Variants in MAN2B1 observed in about 807,000 individuals in gnomAD.
MAN2B1 encodes mannosidase alpha class 2B member 1.
MAN2B1 carries 99 observed loss-of-function variants against 127.5 expected under a neutral mutation model. The ratio of observed to expected loss-of-function variants is 0.78; its 90% CI spans 0.66 to 0.92. The LOEUF (loss-of-function observed/expected upper bound fraction) is 0.92. Among genes scored for constraint, MAN2B1 ranks in the 40% least tolerant of loss-of-function variants. MAN2B1 has a pLI of 0.00. For synonymous variants in MAN2B1, 573 were observed against 568.8 expected, an observed-to-expected ratio of 1.01 and a Z score of -0.11; for missense variants, 1,304 against 1,384.8, an observed-to-expected ratio of 0.94 and a Z score of 0.93.
At position 12,647,199 on chromosome 19, in the gene MAN2B1, T is replaced by C; in HGVS notation, c.2923+34A>G. On this transcript the variant is annotated intron_variant, in intron 23 of 23. Transcript: ENST00000456935. The surrounding 1 kb of genome is among the most constrained non-coding windows in gnomAD (Gnocchi z 4.9). ...CCCACCTGCCGGCCCCAGGTAAGAC[T>C]CCACCCCTTCCCTACCCCTGACCAG... 1 of 1,575,132 alleles carries C rather than the reference T, an allele frequency of 6.3e-7. No individual in the cohort carries two copies. The highest frequency in any genetic ancestry group is 8.7e-7 in the Non-Finnish European group (1 of 1,144,850).
At chr19:12,654,711 G>T (rs1030618724) in intron 14 of MAN2B1, among the ~76,000 whole-genome samples, 1 of 152,112 alleles carries the variant, frequency 6.6e-6, no homozygotes, top group Non-Finnish European at 1.5e-5. Context: ...GTCTCACTTT[G>T]TCACCCAGGC....
intron 3 of MAN2B1, 89 bp from the exon 4 acceptor site, chr19:12,665,074 G>A (rs2024196581): frequency 2.3e-6 from 3 of 1,282,220 alleles, no homozygotes; most frequent in African/African-American, 1.5e-5. Context: ...AAGCCTGCCT[G>A]TGTACACATT....
rs369122358 is a variant in MAN2B1, at chr19:12,647,371, C to T, written c.2821-36G>A. 2 of 1,612,246 alleles carry T rather than the reference C, an allele frequency of 1.2e-6. No homozygotes were observed. Among genetic ancestry groups the T allele is most frequent in the Non-Finnish European group, 1.7e-6 (2 of 1,178,260 alleles). On this transcript the variant is annotated intron_variant, in intron 22 of 23. Transcript: ENST00000456935. This position sits in a 1 kb window ranked among gnomAD's most constrained non-coding sequence, Gnocchi z 4.9. ...GGGGATGGGCCCAGATGAGTTGGGG[C>T]AAAGCCAGGTTTCTCTTCTCTCCCT...
At position 12,657,439 on chromosome 19, in the gene MAN2B1, C is replaced by G. The variant is rs1235244356; in HGVS notation, c.1419+7G>C. 1.3e-5 allele frequency: 20 copies of G among 1,547,936 alleles called. No homozygotes were observed. The highest frequency in any genetic ancestry group is 1.4e-5 in the African/African-American group (1 of 73,040). On this transcript the variant is annotated splice_region_variant and intron_variant, in intron 11 of 23. Coordinates refer to ENST00000456935, the MANE Select transcript of MAN2B1 (RefSeq NM_000528.4). Reference sequence around the variant, plus strand: ...CCCCCGTGTCTCCCAAGTCTCGCCCCGCGCACCTCGCAAGGCCCCCAGCCT... The same window carrying G: ...CCCCCGTGTCTCCCAAGTCTCGCCCGGCGCACCTCGCAAGGCCCCCAGCCT...
intron 14 of MAN2B1, among the ~76,000 whole-genome samples, chr19:12,653,480 C>T (rs779222642): frequency 2.6e-4 from 39 of 151,660 alleles, no homozygotes; most frequent in Non-Finnish European, 4.3e-4. Flanking sequence ...TTTTTAGGGC[C>T]GAGCGTGGTG....
intron 18 of MAN2B1, 37 bp downstream of exon 18, chr19:12,649,876 A>G (rs1481795230): frequency 7.1e-7 from 1 of 1,401,088 alleles, no homozygotes; most frequent in Non-Finnish European, 9.9e-7. Flanking sequence ...CCAACACACC[A>G]CAGACCACCC....
In MAN2B1 at chr19:12,648,163, G is replaced by T. The variant is rs1246333280; in HGVS notation, c.2664+12C>A. ...CAATCCGGTCCTCTCTGCCTACCCCGCTGCCCCTCACCTGCGTGCGCGGAG... is the reference window on the plus strand; with the variant it reads ...CAATCCGGTCCTCTCTGCCTACCCCTCTGCCCCTCACCTGCGTGCGCGGAG... On this transcript the variant is annotated intron_variant, in intron 21 of 23. Coordinates refer to ENST00000456935, the MANE Select transcript of MAN2B1 (RefSeq NM_000528.4). The T allele has an allele frequency of 6.5e-7, 1 of 1,533,384 alleles. No individual in the cohort carries two copies. The highest frequency in any genetic ancestry group is 8.7e-7 in the Non-Finnish European group (1 of 1,145,128). The allele number at this position is 1,533,384 out of a possible 1,614,324, so 95.0% of individuals were successfully genotyped here. A position where few individuals can be genotyped will look rare whatever the true frequency, so the allele number is the denominator to read the frequency against.
At chr19:12,655,672 G>T in intron 14 of MAN2B1, 22 bp downstream of exon 14, 1 of 1,603,010 alleles carries the variant, frequency 6.2e-7, no homozygotes, top group South Asian at 1.1e-5. Flanking sequence ...GAGCAGGAAA[G>T]GGGATTGAAA....
intron 6 of MAN2B1, 88 bp from the exon 7 acceptor site, chr19:12,661,464 G>T: frequency 1.1e-6 from 1 of 889,194 alleles, no homozygotes; most frequent in Admixed American, 1.7e-5. Flanking sequence ...GGTCAAGGAT[G>T]TTGGGTGCAC....
At chr19:12,649,606 C>G (rs944644174) in intron 18 of MAN2B1, among the ~76,000 whole-genome samples, 178 bp from the exon 19 acceptor site, 2 of 151,428 alleles carry the variant, frequency 1.3e-5, no homozygotes, top group Non-Finnish European at 2.9e-5. Flanking sequence ...CTCAGCCTCC[C>G]GAGTAGCTGG....
rs532010285 is a variant in MAN2B1 at position 12,652,593 on chromosome 19, G to A, written c.1831-133C>T. 3.6e-5 allele frequency: 25 copies of A among 698,264 alleles called. No homozygotes were observed. In the East Asian group the frequency reaches 6.8e-4, roughly 19 times the overall value. The allele number at this position is 698,264 out of a possible 1,614,324, so 43.3% of individuals were successfully genotyped here. On this transcript the variant is annotated intron_variant, in intron 14 of 23. Coordinates refer to ENST00000456935, the MANE Select transcript of MAN2B1 (RefSeq NM_000528.4). ...GTAGCCCAGGCTAGAGTACAGTGGTGCAATCTTGGCTCACTGCACCCCCCA... is the reference window on the plus strand; with the variant it reads ...GTAGCCCAGGCTAGAGTACAGTGGTACAATCTTGGCTCACTGCACCCCCCA...
chr19:12,650,262 G>C lies in MAN2B1; in HGVS notation c.2047-40C>G, dbSNP rs550622289. 26 of 1,275,692 alleles carry C rather than the reference G, an allele frequency of 2.0e-5. No homozygotes were observed. The South Asian group carries it at 3.1e-4, about 15-fold the overall frequency. 79.0% of individuals were successfully genotyped at this position (1,275,692 alleles called of 1,614,324 possible). On this transcript the variant is annotated intron_variant, in intron 16 of 23. Coordinates refer to ENST00000456935, the MANE Select transcript of MAN2B1 (RefSeq NM_000528.4). ...GTGAGGTGGATGTCAGTCTGTACCT[G>C]AGCAGAGGTGAGTCCTACAAATGTC...
intron 1 of MAN2B1, 25 bp downstream of exon 1, chr19:12,666,518 G>C: frequency 6.4e-7 from 1 of 1,567,862 alleles, no homozygotes; most frequent in Non-Finnish European, 8.7e-7. Context: ...CCTCCTGTAC[G>C]TTTCAGCTCG....
chr19:12,656,424 G>C, intron 13 of MAN2B1, 147 bp downstream of exon 13: 1 of 670,238 alleles, frequency 1.5e-6, no homozygotes, highest in South Asian at 1.7e-5. Flanking sequence ...CTGATATTAA[G>C]GGGCAGAGGG....
intron 4 of MAN2B1, 39 bp downstream of exon 4, chr19:12,664,753 G>A (rs201826226): frequency 6.3e-7 from 1 of 1,591,900 alleles, no homozygotes; most frequent in Non-Finnish European, 8.6e-7. Flanking sequence ...GAGCCAGAGT[G>A]AGTGAAGAAG....
In MAN2B1 at chr19:12,658,527, C is replaced by G. The variant is rs1335221606; in HGVS notation, c.1027-17G>C. On this transcript the variant is annotated splice_polypyrimidine_tract_variant and intron_variant, in intron 7 of 23. Coordinates refer to ENST00000456935, the MANE Select transcript of MAN2B1 (RefSeq NM_000528.4). ...TTTTGCCTGCTGCTGGGGGAGGCGA[C>G]GGAGTGAGCCCTCGGGAGTCCGCAC... 6.2e-7 allele frequency: 1 copy of G among 1,612,912 alleles called. No individual in the cohort carries two copies. The highest frequency in any genetic ancestry group is 8.5e-7 in the Non-Finnish European group (1 of 1,179,256).
Position 12,656,643 on chromosome 19 carries a change from C to G in MAN2B1, c.1572G>C (p.Trp524Cys). The change falls in exon 13 of 24, where the codon TGG becomes TGC. Residue 524 changes from tryptophan (W) to cysteine (C), a missense_variant. By Grantham distance (215) the Trp-to-Cys change is radical. Coordinates refer to ENST00000456935, the MANE Select transcript of MAN2B1 (RefSeq NM_000528.4). ...VYNPLGRKVN[W>C]MVRLPVSEGV... ...CTTCGCTGACCGGCAGCCGTACCAT[C>G]CAATTCACCTTCCGCCCCAGGGGAT... 1 of 1,614,042 alleles carries G rather than the reference C, an allele frequency of 6.2e-7. No individual in the cohort carries two copies. Among genetic ancestry groups the G allele is most frequent in the Non-Finnish European group, 8.5e-7 (1 of 1,179,964 alleles).
chr19:12,658,320 G>A lies in MAN2B1; in HGVS notation c.1134C>T (p.Phe378=), dbSNP rs756124107. The part of the protein sequence containing the change: ...LTWSVKHDDF[F]PYADGPHQFW... ...ACTGGTGGGGGCCATCCGCGTAAGG[G>A]AAGAAGTCGTCATGTTTCACTGACC... is the stretch of plus-strand genomic sequence containing the variant. The change falls in exon 9 of 24, where the codon TTC becomes TTT. Residue 378 remains phenylalanine, a synonymous_variant. Transcript: ENST00000456935. 5 of 1,614,232 alleles carry A rather than the reference G, an allele frequency of 3.1e-6. No individual in the cohort carries two copies. Among genetic ancestry groups the A allele is most frequent in the Non-Finnish European group, 4.2e-6 (5 of 1,180,048 alleles).
chr19:12,663,275 A>T (rs1177127988), intron 6 of MAN2B1, 42 bp downstream of exon 6: 2 of 1,611,302 alleles, frequency 1.2e-6, no homozygotes, highest in Non-Finnish European at 1.7e-6. Context: ...AGCTCATTGT[A>T]TTGTATATAC....
Sources: allele counts gnomAD v4.1 joint callset (sites outside exome capture counted in the v4.1 genomes callset), GRCh38; gene constraint gnomAD v4.1.1; non-coding constraint Gnocchi (gnomAD v3.1); transcripts MANE v1.5; gene names NCBI Gene and HGNC (gene_info 2026-07-23, HGNC 2026-07-21).